SLC66A2: variants seen among roughly 807,000 people sequenced by gnomAD.
SLC66A2 encodes solute carrier family 66 member 2.
A neutral mutation model predicts 25.5 loss-of-function variants in SLC66A2; 23 were observed. The observed-to-expected ratio is 0.90, with a 90% CI of 0.65 to 1.28. The LOEUF (loss-of-function observed/expected upper bound fraction) is 1.28. Among genes scored for constraint, SLC66A2 ranks in the 50% most tolerant of loss-of-function variants. The pLI is 0.00. For missense variants in SLC66A2, 396 were observed against 373.1 expected, an observed-to-expected ratio of 1.06 and a Z score of -0.51; for synonymous variants, 193 against 166.5, an observed-to-expected ratio of 1.16 and a Z score of -1.23.
In SLC66A2 at chr18:79,934,041, GACAGAA is replaced by G. The variant is rs1276237464; in HGVS notation, c.338-25_338-20del. The G allele has an allele frequency of 6.2e-7, 1 of 1,606,486 alleles. No homozygotes were observed. The highest frequency in any genetic ancestry group is 1.3e-5 in the African/African-American group (1 of 74,792). On this transcript the variant is annotated intron_variant, in intron 3 of 5. Transcript: ENST00000397778. Reference sequence around the variant, plus strand: ...TCTGCAGCTACACGTTAAAAAGGGAGACAGAAACAGAAAGGGGAAAAAGACAGAAAC... The same window carrying G: ...TCTGCAGCTACACGTTAAAAAGGGAGACAGAAAGGGGAAAAAGACAGAAAC...
At chr18:79,939,069 T>G (rs1348961473) in intron 3 of SLC66A2, among the ~76,000 whole-genome samples, 1 of 152,266 alleles carries the variant, frequency 6.6e-6, no homozygotes, top group African/African-American at 2.4e-5. Context: ...TGTATCTAAT[T>G]TTTTAAGTAA....
intron 2 of SLC66A2, among the ~76,000 whole-genome samples, chr18:79,946,518 C>A (rs1451749874): frequency 6.6e-6 from 1 of 152,216 alleles, no homozygotes; most frequent in Non-Finnish European, 1.5e-5. Flanking sequence ...GGTGCAGGAG[C>A]CTGCTCCTCG....
Position 79,937,388 on chromosome 18 carries a change from T to C in SLC66A2, c.338-3366A>G, listed in dbSNP as rs1256607848. On this transcript the variant is annotated intron_variant, in intron 3 of 5. Coordinates refer to ENST00000397778, the MANE Select transcript of SLC66A2 (RefSeq NM_025078.5). This position sits in a 1 kb window ranked among gnomAD's most constrained non-coding sequence, Gnocchi z 5.4. ...AGAACTGGAGCATTAACAAGCGTAA[T>C]AATCCAGTAACACACCAAACGTCCA... Among the ~76,000 whole-genome samples, 2 of 152,150 alleles carry C rather than the reference T, an allele frequency of 1.3e-5. No individual in the cohort carries two copies. Among genetic ancestry groups the C allele is most frequent in the Non-Finnish European group, 2.9e-5 (2 of 68,036 alleles).
rs1489590193 is a variant in SLC66A2 at position 79,918,500 on chromosome 18, G to A, written c.608+684C>T. Among the ~76,000 whole-genome samples the A allele has an allele frequency of 6.6e-6, 1 of 152,230 alleles. No homozygotes were observed. The highest frequency in any genetic ancestry group is 1.9e-4 in the East Asian group (1 of 5,158). On this transcript the variant is annotated intron_variant, in intron 5 of 5. Transcript: ENST00000397778. This position sits in a 1 kb window ranked among gnomAD's most constrained non-coding sequence, Gnocchi z 4.0. The stretch of plus-strand genomic sequence containing the variant: ...GGCACCGGGGGGTCCCCAGTGAGGA[G>A]CGGGCCTGGGGGTCGAAAGTGTGAG...
intron 5 of SLC66A2, among the ~76,000 whole-genome samples, chr18:79,916,207 C>T (rs1984094276): frequency 6.7e-6 from 1 of 148,198 alleles, no homozygotes; most frequent in Non-Finnish European, 1.5e-5. Flanking sequence ...GCTCCCGTAC[C>T]CGCGGCGCTC....
intron 2 of SLC66A2, among the ~76,000 whole-genome samples, chr18:79,946,066 A>G (rs908688725): frequency 1.3e-5 from 2 of 152,252 alleles, no homozygotes; most frequent in Non-Finnish European, 2.9e-5. Context: ...TAACAGAAGC[A>G]ATGAATGACG....
chr18:79,922,383 TA>T (rs1457720043), intron 4 of SLC66A2, among the ~76,000 whole-genome samples: 1 of 152,030 alleles, frequency 6.6e-6, no homozygotes, highest in Non-Finnish European at 1.5e-5. Context: ...ACGCCTGGGT[TA>T]GGGGCGCAGC....
intron 4 of SLC66A2, among the ~76,000 whole-genome samples, chr18:79,919,916 G>C (rs774218243): frequency 2.5e-4 from 2 of 8,088 alleles, no homozygotes; most frequent in African/African-American, 3.3e-4. Context: ...AGAGGTCAAG[G>C]TCAGTGGGGA....
rs777875107 is a variant in SLC66A2, at chr18:79,934,036, A to G, written c.338-14T>C. The G allele has an allele frequency of 2.7e-5, 43 of 1,609,324 alleles. No homozygotes were observed. The Admixed American group carries it at 5.0e-4, about 19-fold the overall frequency. ...TGCTATCTGCAGCTACACGTTAAAA[A>G]GGGAGACAGAAACAGAAAGGGGAAA... On this transcript the variant is annotated splice_polypyrimidine_tract_variant and intron_variant, in intron 3 of 5. Coordinates refer to ENST00000397778, the MANE Select transcript of SLC66A2 (RefSeq NM_025078.5).
chr18:79,951,127 G>T (rs2012687), intron 1 of SLC66A2, 102 bp from the exon 2 acceptor site: 110,702 of 278,812 alleles, frequency 0.4, 24,306 homozygotes, highest in East Asian at 0.64. Flanking sequence ...GAGGCAGAGC[G>T]GGGGCGACCG....
intron 2 of SLC66A2, among the ~76,000 whole-genome samples, chr18:79,945,897 T>C (rs1172187456): frequency 1.3e-5 from 2 of 151,940 alleles, no homozygotes; most frequent in African/African-American, 4.8e-5. Flanking sequence ...CACAGAGACC[T>C]GAGGCTGAGG....
At chr18:79,931,738 C>T (rs896286582) in intron 4 of SLC66A2, among the ~76,000 whole-genome samples, 13 of 152,162 alleles carry the variant, frequency 8.5e-5, no homozygotes, top group African/African-American at 2.7e-4. Flanking sequence ...TCTGGCTGGG[C>T]GTGGTTGCTC....
chr18:79,929,658 A>G (rs943794195), intron 4 of SLC66A2, among the ~76,000 whole-genome samples: 2 of 152,222 alleles, frequency 1.3e-5, no homozygotes, highest in East Asian at 3.9e-4. Context: ...TAGCTATTAT[A>G]AATATGTTCA....
At chr18:79,908,078 A>T (rs1164957780) in intron 5 of SLC66A2, among the ~76,000 whole-genome samples, 1 of 152,062 alleles carries the variant, frequency 6.6e-6, no homozygotes, top group East Asian at 1.9e-4. Flanking sequence ...AGACAATGTT[A>T]TATTTTTTGC....
intron 2 of SLC66A2, chr18:79,944,421 C>T (rs547861222): frequency 1.3e-5 from 2 of 152,778 alleles, no homozygotes; most frequent in East Asian, 3.9e-4. Context: ...TGCAGGCTCC[C>T]AGGCCTTCTT....
chr18:79,910,253 C>G (rs1982877913), intron 5 of SLC66A2, among the ~76,000 whole-genome samples: 1 of 140,252 alleles, frequency 7.1e-6, no homozygotes, highest in Non-Finnish European at 1.5e-5. Flanking sequence ...ACCAACCTTC[C>G]CCACCATCTC....
chr18:79,919,018 G>C (rs1321884243), intron 5 of SLC66A2, among the ~76,000 whole-genome samples, 166 bp downstream of exon 5: 1 of 152,266 alleles, frequency 6.6e-6, no homozygotes, highest in African/African-American at 2.4e-5. Flanking sequence ...TCCAGCGCGA[G>C]GTCGAGGGGC....
chr18:79,912,467 C>T (rs1300126525), intron 5 of SLC66A2, among the ~76,000 whole-genome samples: 3 of 152,140 alleles, frequency 2.0e-5, no homozygotes, highest in Non-Finnish European at 4.4e-5. Flanking sequence ...ATACGAAGTG[C>T]AGGGAAAGAC....
intron 5 of SLC66A2, among the ~76,000 whole-genome samples, chr18:79,915,229 C>T (rs998434930): frequency 6.6e-6 from 1 of 152,116 alleles, no homozygotes; most frequent in South Asian, 2.1e-4. Flanking sequence ...AAGCGCAGAC[C>T]GGATGAACTG....
Sources: allele counts gnomAD v4.1 joint callset (sites outside exome capture counted in the v4.1 genomes callset), GRCh38; gene constraint gnomAD v4.1.1; non-coding constraint Gnocchi (gnomAD v3.1); transcripts MANE v1.5; gene names NCBI Gene and HGNC (gene_info 2026-07-23, HGNC 2026-07-21).